Variants in SORCS1 observed in about 807,000 individuals in gnomAD.
The protein encoded by SORCS1 is VPS10 domain-containing receptor SorCS1.
A neutral mutation model predicts 146.1 loss-of-function variants in SORCS1; 60 were observed. That is an observed-to-expected ratio of 0.41 (90% CI 0.33 to 0.51). SORCS1 has a LOEUF of 0.51. Ranked by LOEUF, SORCS1 falls within the 20% of genes least tolerant of loss-of-function variation. The pLI is 0.21. For missense variants in SORCS1, 1,352 were observed against 1,487.6 expected, an observed-to-expected ratio of 0.91 and a Z score of 1.50; for synonymous variants, 637 against 584.0, an observed-to-expected ratio of 1.09 and a Z score of -1.31.
intron 24 of SORCS1, among the ~76,000 whole-genome samples, chr10:106,582,840 C>T (rs1472427590): frequency 6.6e-6 from 1 of 152,120 alleles, no homozygotes; most frequent in South Asian, 2.1e-4. Context: ...ATATTTTATT[C>T]ATGAGGACCT....
At position 107,164,209 on chromosome 10, in the gene SORCS1, G is replaced by A; in HGVS notation, c.318C>T (p.Gly106=). The part of the protein sequence containing the change: ...GASMAVAARS[G]RRRRSGADQE... ...GATCCGCTCCGCTCCGTCTCCTCCG[G>A]CCGGAGCGTGCAGCAACCGCCATGG... The change falls in exon 1 of 26, where the codon GGC becomes GGT. Residue 106 remains glycine, a synonymous_variant. Coordinates refer to ENST00000263054, the MANE Select transcript of SORCS1 (RefSeq NM_052918.5). This position sits in a 1 kb window ranked among gnomAD's most constrained non-coding sequence, Gnocchi z 6.8. 1.2e-6 allele frequency: 2 copies of A among 1,609,146 alleles called. No homozygotes were observed. Among genetic ancestry groups the A allele is most frequent in the Non-Finnish European group, 1.7e-6 (2 of 1,179,784 alleles).
At chr10:106,831,580 G>A (rs1948546995) in intron 2 of SORCS1, among the ~76,000 whole-genome samples, 1 of 151,828 alleles carries the variant, frequency 6.6e-6, no homozygotes, top group Non-Finnish European at 1.5e-5. Flanking sequence ...AGGCCATAAC[G>A]ACTAAGCAGA....
chr10:106,867,850 A>T (rs914364400), intron 2 of SORCS1, among the ~76,000 whole-genome samples: 47 of 152,230 alleles, frequency 3.1e-4, no homozygotes, highest in African/African-American at 1.1e-3. Context: ...TCAAATCCAC[A>T]CATATCAATA....
At position 106,670,265 on chromosome 10, in the gene SORCS1, CTTCACAGTGCCCACAAGCTAGCT is replaced by C. The variant is rs1193944965; in HGVS notation, c.2189+949_2189+971del. ...ATTAACATTGACAACAAGCCAAGGG[CTTCACAGTGCCCACAAGCTAGCT>C]TTCTGCTGAGCAAATGTCTCAAGAA... On this transcript the variant is annotated intron_variant, in intron 16 of 25. Coordinates refer to ENST00000263054, the MANE Select transcript of SORCS1 (RefSeq NM_052918.5). Among the ~76,000 whole-genome samples, 61 of 152,318 alleles carry C rather than the reference CTTCACAGTGCCCACAAGCTAGCT, an allele frequency of 4.0e-4. 2 individuals are homozygous for C. The highest frequency in any genetic ancestry group is 1.4e-3 in the African/African-American group (60 of 41,574).
At chr10:106,889,855 A>C (rs966779942) in intron 2 of SORCS1, among the ~76,000 whole-genome samples, 1 of 143,914 alleles carries the variant, frequency 6.9e-6, no homozygotes, top group African/African-American at 2.8e-5. Flanking sequence ...ACTGTACTCC[A>C]GCCTGGGTGA....
At chr10:106,966,269 G>GCACACACCACACACACT (rs1370804650) in intron 1 of SORCS1, among the ~76,000 whole-genome samples, 4 of 149,872 alleles carry the variant, frequency 2.7e-5, no homozygotes, top group African/African-American at 5.1e-5. Context: ...ACATATGCAC[G>GCACACACCACACACACT]CACACACCAC....
intron 2 of SORCS1, among the ~76,000 whole-genome samples, chr10:106,905,963 T>C (rs1564795636): frequency 6.6e-6 from 1 of 152,240 alleles, no homozygotes; most frequent in African/African-American, 2.4e-5. Context: ...ACTAACTTAA[T>C]TTCTATCCTC....
At chr10:106,602,278 G>A (rs1192911532) in intron 23 of SORCS1, among the ~76,000 whole-genome samples, 1 of 152,136 alleles carries the variant, frequency 6.6e-6, no homozygotes, top group Non-Finnish European at 1.5e-5. Flanking sequence ...TAGCATTCTA[G>A]TGCCATGTTT....
chr10:106,796,936 G>A (rs1160010800), intron 3 of SORCS1, among the ~76,000 whole-genome samples: 3 of 152,210 alleles, frequency 2.0e-5, no homozygotes, highest in East Asian at 3.9e-4. Flanking sequence ...GTGAAATCCC[G>A]TCTCTACTAA....
intron 2 of SORCS1, among the ~76,000 whole-genome samples, chr10:106,922,269 ACCT>A (rs1222979256): frequency 1.3e-5 from 2 of 152,186 alleles, no homozygotes; most frequent in Admixed American, 6.5e-5. Context: ...CTAACATAGA[ACCT>A]CAACAGAGTA....
the SORCS1 span, among the ~76,000 whole-genome samples, chr10:107,179,047 T>C: frequency 6.6e-6 from 1 of 152,164 alleles, no homozygotes; most frequent in Non-Finnish European, 1.5e-5. Context: ...TATATTGTTA[T>C]CCATGATGGC....
At chr10:106,751,045 T>C (rs1485850049) in intron 5 of SORCS1, among the ~76,000 whole-genome samples, 3 of 91,356 alleles carry the variant, frequency 3.3e-5, no homozygotes, top group Admixed American at 1.8e-4. Flanking sequence ...GGCGACAGGG[T>C]GAGACTCCGT....
chr10:107,055,642 A>T (rs1307364933), intron 1 of SORCS1, among the ~76,000 whole-genome samples: 1 of 152,204 alleles, frequency 6.6e-6, no homozygotes, highest in Non-Finnish European at 1.5e-5. Context: ...TTTTCCTACC[A>T]GACAGCAGCA....
At chr10:107,066,666 A>G (rs1961888989) in intron 1 of SORCS1, among the ~76,000 whole-genome samples, 1 of 152,178 alleles carries the variant, frequency 6.6e-6, no homozygotes, top group Admixed American at 6.5e-5. Context: ...TAGTAATTTA[A>G]TCATTTCTAT....
chr10:106,726,359 C>CAAAAAA (rs60801871), intron 6 of SORCS1, among the ~76,000 whole-genome samples: 20 of 43,586 alleles, frequency 4.6e-4, no homozygotes, highest in East Asian at 8.2e-4. Flanking sequence ...GCTGCCTTCG[C>CAAAAAA]AAAAAAAAAA....
chr10:106,661,465 C>T (rs1465801470), intron 17 of SORCS1, among the ~76,000 whole-genome samples: 1 of 152,174 alleles, frequency 6.6e-6, no homozygotes, highest in Non-Finnish European at 1.5e-5. Context: ...ATTATTACTG[C>T]AGTGACAATT....
rs1170568801 is a variant in SORCS1, at chr10:106,928,099, G to A, written c.626+28414C>T. Among the ~76,000 whole-genome samples, 3 of 152,384 alleles carry A rather than the reference G, an allele frequency of 2.0e-5. No homozygotes were observed. The East Asian group carries it at 5.8e-4, about 29-fold the overall frequency. On this transcript the variant is annotated intron_variant, in intron 2 of 25. Transcript: ENST00000263054. ...GAGCTGCCTGCCAGTCCCGCGCCGT[G>A]CACCCGCACTCCTCAGCCCTTGGGT...
At chr10:106,639,964 G>C (rs1291029510) in intron 18 of SORCS1, among the ~76,000 whole-genome samples, 1 of 151,906 alleles carries the variant, frequency 6.6e-6, no homozygotes, top group East Asian at 1.9e-4. Flanking sequence ...GTCGCAGTGA[G>C]CCAAGATCAC....
chr10:106,871,406 A>G (rs1202001152), intron 2 of SORCS1, among the ~76,000 whole-genome samples: 1 of 152,228 alleles, frequency 6.6e-6, no homozygotes, highest in East Asian at 1.9e-4. Flanking sequence ...TTACTGGAGG[A>G]ATACAAATCA....
Sources: allele counts gnomAD v4.1 joint callset (sites outside exome capture counted in the v4.1 genomes callset), GRCh38; gene constraint gnomAD v4.1.1; non-coding constraint Gnocchi (gnomAD v3.1); transcripts MANE v1.5; gene names NCBI Gene and HGNC (gene_info 2026-07-23, HGNC 2026-07-21).